Variants in UIMC1 observed in about 807,000 individuals in gnomAD.
The protein encoded by UIMC1 is BRCA1-A complex subunit RAP80.
A neutral mutation model predicts 84.9 loss-of-function variants in UIMC1; 42 were observed. The ratio of observed to expected loss-of-function variants is 0.49; its 90% CI spans 0.39 to 0.64. UIMC1 has a LOEUF of 0.64. UIMC1 is among the 30% of genes least tolerant of loss of function. UIMC1 has a pLI of 0.00. For synonymous variants in UIMC1, 281 were observed against 293.0 expected (o/e 0.96, Z 0.42); for missense variants, 825 against 847.6 (o/e 0.97, Z 0.33).
At position 176,968,816 on chromosome 5, in the gene UIMC1, C is replaced by A. The variant is rs763061176; in HGVS notation, c.939G>T (p.Gln313His). 1 of 1,614,144 alleles carries A rather than the reference C, an allele frequency of 6.2e-7. No individual in the cohort carries two copies. The highest frequency in any genetic ancestry group is 2.2e-5 in the East Asian group (1 of 44,888). Reference protein sequence around the residue: ...YQKSLKMAQRQLLNKKGFGEP... With the variant: ...YQKSLKMAQRHLLNKKGFGEP... Reference sequence around the variant, plus strand: ...CCCCAAAACCTTTTTTATTAAGGAGCTGCCTCTGAGCCATTTTCAGGCTCT... The same window carrying A: ...CCCCAAAACCTTTTTTATTAAGGAGATGCCTCTGAGCCATTTTCAGGCTCT... The change falls in exon 6 of 15, where the codon CAG becomes CAT. Residue 313 changes from glutamine to histidine, a missense_variant. By Grantham distance (24) the Gln-to-His change is conservative. Coordinates refer to ENST00000511320, the MANE Select transcript of UIMC1 (RefSeq NM_001199298.2).
At chr5:177,015,338 G>A (rs1485568376) in intron 1 of UIMC1, among the ~76,000 whole-genome samples, 7 of 152,156 alleles carry the variant, frequency 4.6e-5, no homozygotes, top group South Asian at 4.1e-4. Context: ...ACCACACAGC[G>A]TTAACTGCTC....
intron 10 of UIMC1, among the ~76,000 whole-genome samples, chr5:176,931,222 T>G (rs1763047973): frequency 6.6e-6 from 1 of 152,260 alleles, no homozygotes; most frequent in Non-Finnish European, 1.5e-5. Context: ...TGGAGATCAC[T>G]GATCTAGTAT....
chr5:176,969,426 T>C, intron 5 of UIMC1, 135 bp from the exon 6 acceptor site: 1 of 1,389,774 alleles, frequency 7.2e-7, no homozygotes, highest in Non-Finnish European at 9.7e-7. Flanking sequence ...ATGTTGGTTT[T>C]TCCTTGGAGA....
Position 176,911,346 on chromosome 5 carries a change from A to G in UIMC1, c.1641T>C (p.Ser547=). 6.2e-7 allele frequency: 1 copy of G among 1,601,118 alleles called. No individual in the cohort carries two copies. Among genetic ancestry groups the G allele is most frequent in the African/African-American group, 1.3e-5 (1 of 74,666 alleles). ...RQKEAKTKSD[S]GTAAQTSLDI... The stretch of plus-strand genomic sequence containing the variant: ...CTAGAGAAGTCTGGGCAGCTGTCCC[A>G]CTGTCACTCTTGGTCTTGGCCTCTT... The change falls in exon 11 of 15, where the codon AGT becomes AGC. Residue 547 remains serine, a synonymous_variant. Transcript: ENST00000511320.
rs1773558148 is a variant in UIMC1 at position 176,995,969 on chromosome 5, CT to C, written c.-9+10680del. ...CAGCCATTTCATTCCTAGGTATTTACTCAAGAGAAATAAAGACGTGAATGTT... is the reference window on the plus strand; with the variant it reads ...CAGCCATTTCATTCCTAGGTATTTACCAAGAGAAATAAAGACGTGAATGTT... On this transcript the variant is annotated intron_variant, in intron 1 of 14. Coordinates refer to ENST00000511320, the MANE Select transcript of UIMC1 (RefSeq NM_001199298.2). Among the ~76,000 whole-genome samples, 7 of 151,624 alleles carry C rather than the reference CT, an allele frequency of 4.6e-5. No individual in the cohort carries two copies. In the South Asian group the frequency reaches 1.5e-3, roughly 31 times the overall value.
At chr5:176,921,810 T>C (rs1761741566) in intron 10 of UIMC1, among the ~76,000 whole-genome samples, 1 of 152,196 alleles carries the variant, frequency 6.6e-6, no homozygotes, top group African/African-American at 2.4e-5. Flanking sequence ...ATTTTCCACA[T>C]TGTAGCCAGA....
intron 9 of UIMC1, among the ~76,000 whole-genome samples, chr5:176,949,782 G>A (rs957135799): frequency 4.6e-5 from 7 of 152,214 alleles, no homozygotes; most frequent in East Asian, 1.9e-4. Flanking sequence ...ATCCCAGGCC[G>A]GGCACAGTGG....
At chr5:177,021,018 G>A (rs956852945) in intron 1 of UIMC1, among the ~76,000 whole-genome samples, 2 of 152,234 alleles carry the variant, frequency 1.3e-5, no homozygotes, top group African/African-American at 4.8e-5. Context: ...GGTGGCATGT[G>A]CCTGTAATCT....
rs1398422623 is a variant in UIMC1 at position 176,995,567 on chromosome 5, G to A, written c.-9+11083C>T. On this transcript the variant is annotated intron_variant, in intron 1 of 14. Coordinates refer to ENST00000511320, the MANE Select transcript of UIMC1 (RefSeq NM_001199298.2). ...AAAAAAAAAAAAAAAAAAAAGGCCA[G>A]GCACGGTGGCTCACACCTGTAATCC... is the stretch of plus-strand genomic sequence containing the variant. Among the ~76,000 whole-genome samples, 4 of 142,528 alleles carry A rather than the reference G, an allele frequency of 2.8e-5. No homozygotes were observed. The Admixed American group carries it at 2.8e-4, about 10-fold the overall frequency. The allele number at this position is 142,528 out of a possible 152,430, so 93.5% of individuals were successfully genotyped here. A position where few individuals can be genotyped will look rare whatever the true frequency, so the allele number is the denominator to read the frequency against.
chr5:176,997,202 T>C (rs1581695434), intron 1 of UIMC1, among the ~76,000 whole-genome samples: 1 of 152,100 alleles, frequency 6.6e-6, no homozygotes, highest in Non-Finnish European at 1.5e-5. Flanking sequence ...TCACCTCCTA[T>C]ACCTCTCTTT....
intron 1 of UIMC1, among the ~76,000 whole-genome samples, chr5:177,018,798 A>G (rs1238866288): frequency 6.6e-6 from 1 of 152,226 alleles, no homozygotes; most frequent in African/African-American, 2.4e-5. Flanking sequence ...ATGAACCCTG[A>G]CAGCACTCAT....
At chr5:176,941,372 T>TC in intron 10 of UIMC1, among the ~76,000 whole-genome samples, 1 of 152,274 alleles carries the variant, frequency 6.6e-6, no homozygotes, top group Non-Finnish European at 1.5e-5. Context: ...TATAGCATGG[T>TC]CCCGTTTATG....
intron 10 of UIMC1, among the ~76,000 whole-genome samples, chr5:176,922,262 C>A (rs1469250024): frequency 6.6e-6 from 1 of 152,136 alleles, no homozygotes; most frequent in African/African-American, 2.4e-5. Context: ...ACAGTATCTG[C>A]GTTATAGTTG....
intron 6 of UIMC1, among the ~76,000 whole-genome samples, chr5:176,959,261 AAGAG>A (rs1464511154): frequency 1.3e-5 from 2 of 152,216 alleles, no homozygotes; most frequent in African/African-American, 4.8e-5. Context: ...AAGAGAAAGA[AAGAG>A]AAAGAGAATG....
intron 1 of UIMC1, among the ~76,000 whole-genome samples, chr5:177,018,229 T>C (rs189335933): frequency 2.0e-5 from 3 of 152,092 alleles, no homozygotes; most frequent in Admixed American, 2.0e-4. Flanking sequence ...TGCACACCTG[T>C]AGTCCTAGCT....
chr5:176,963,604 G>A (rs1424492992), intron 6 of UIMC1, among the ~76,000 whole-genome samples: 1 of 151,472 alleles, frequency 6.6e-6, no homozygotes, highest in African/African-American at 2.4e-5. Context: ...GACACTGGTA[G>A]TTTATTAGGT....
At chr5:176,988,824 C>T (rs1398133878) in intron 1 of UIMC1, among the ~76,000 whole-genome samples, 1 of 151,900 alleles carries the variant, frequency 6.6e-6, no homozygotes, top group Non-Finnish European at 1.5e-5. Context: ...GCTGGGGCTA[C>T]AGGCATGTGC....
intron 3 of UIMC1, among the ~76,000 whole-genome samples, chr5:176,973,007 C>T (rs1295190098): frequency 6.6e-6 from 1 of 151,480 alleles, no homozygotes; most frequent in Admixed American, 6.6e-5. Context: ...CCTCTGCCTC[C>T]CAGGTTCAAG....
intron 1 of UIMC1, among the ~76,000 whole-genome samples, chr5:177,020,351 G>T (rs1046527114): frequency 1.4e-4 from 22 of 152,188 alleles, no homozygotes; most frequent in African/African-American, 5.1e-4. Flanking sequence ...TTCTCCTGAT[G>T]CCACCCTGAT....
Sources: gnomAD v4.1 joint callset for allele counts (sites outside exome capture counted in the v4.1 genomes callset) on GRCh38, gnomAD v4.1.1 for gene constraint, MANE v1.5 for transcripts, NCBI Gene and HGNC (gene_info 2026-07-23, HGNC 2026-07-21) for gene names.